Variants in DNAH14 observed in about 807,000 individuals in gnomAD.
The protein encoded by DNAH14 is dynein axonemal heavy chain 14, also known as axonemal beta dynein heavy chain 14.
A neutral mutation model predicts 520.9 loss-of-function variants in DNAH14; 478 were observed. The observed-to-expected ratio is 0.92, with a 90% confidence interval of 0.85 to 0.99. DNAH14 has a LOEUF of 0.99. Among genes scored for constraint, DNAH14 ranks in the 50% least tolerant of loss-of-function variants. The pLI is 0.00. For synonymous variants in DNAH14, 1,581 were observed against 1,757.2 expected (o/e 0.90, Z 2.51); for missense variants, 4,831 against 5,234.5 (o/e 0.92, Z 2.38).
intron 38 of DNAH14, among the ~76,000 whole-genome samples, chr1:225,200,585 G>A (rs559458282): frequency 6.6e-6 from 1 of 152,022 alleles, no homozygotes; most frequent in South Asian, 2.1e-4. Context: ...GCATTTGTTT[G>A]TTTGACTGTA....
At chr1:225,088,543 A>G (rs573499242) in intron 21 of DNAH14, among the ~76,000 whole-genome samples, 105 of 152,170 alleles carry the variant, frequency 6.9e-4, no homozygotes, top group Non-Finnish European at 1.1e-3. Context: ...GCTTCAGACA[A>G]CCTACTAGAC....
chr1:225,085,653 T>C lies in DNAH14; in HGVS notation c.3437T>C (p.Leu1146Ser). 1 of 1,551,340 alleles carries C rather than the reference T, an allele frequency of 6.4e-7. No homozygotes were observed. The highest frequency in any genetic ancestry group is 1.7e-4 in the Middle Eastern group (1 of 5,990). The change falls in exon 21 of 86, where the codon TTG (leucine) becomes TCG (serine). Residue 1146 changes from leucine (L) to serine (S), a missense_variant. Leu to Ser is a moderately radical substitution (Grantham distance 145, BLOSUM62 -2). Coordinates refer to ENST00000682510, the MANE Select transcript of DNAH14 (RefSeq NM_001367479.1). ...KIIDFWNTTP[L>S]PLILHHTEIY... is the part of the protein sequence containing the mutation. ...ATTGATTTTTGGAACACTACTCCTTTGCCTTTAATTCTTCACCACACAGAG... is the reference window on the plus strand; with the variant it reads ...ATTGATTTTTGGAACACTACTCCTTCGCCTTTAATTCTTCACCACACAGAG...
rs145346250 is a variant in DNAH14 at position 225,043,084 on chromosome 1, A to T, written c.1738A>T (p.Ile580Phe). 1,076 of 1,551,212 alleles carry T rather than the reference A, an allele frequency of 6.9e-4. 9 individuals carry two copies. The East Asian group carries it at 0.024, about 35-fold the overall frequency. The change falls in exon 13 of 86, where the codon ATT becomes TTT. Residue 580 changes from isoleucine (I) to phenylalanine (F), a missense_variant. Physicochemically the swap from Ile to Phe is conservative, Grantham distance 21. Coordinates refer to ENST00000682510, the MANE Select transcript of DNAH14 (RefSeq NM_001367479.1). ...LLPKAKKSKE[I>F]SYNLEDIISD... ...CCCAAAAGCCAAGAAATCAAAAGAAATTAGTTACAATCTTGAAGATATTAT... is the reference window on the plus strand; with the variant it reads ...CCCAAAAGCCAAGAAATCAAAAGAATTTAGTTACAATCTTGAAGATATTAT...
intron 41 of DNAH14, among the ~76,000 whole-genome samples, chr1:225,230,572 G>T (rs1415183726): frequency 1.3e-5 from 2 of 152,088 alleles, no homozygotes; most frequent in Non-Finnish European, 2.9e-5. Flanking sequence ...GAATGAATTA[G>T]TTGGACAAAA....
rs140851139 is a variant in DNAH14, at chr1:224,991,222, G to C, written c.831-11561G>C. 2.7e-3 allele frequency among the ~76,000 whole-genome samples: 403 copies of C among 148,606 alleles called. 3 individuals carry two copies. Among genetic ancestry groups the C allele is most frequent in the African/African-American group, 9.4e-3 (378 of 40,266 alleles). The stretch of plus-strand genomic sequence containing the variant: ...CGATTCTCCTGCCTCAGCCTCCCAA[G>C]TAGCAGGGACTACAAGCATGTGCCA... On this transcript the variant is annotated intron_variant, in intron 8 of 85. Coordinates refer to ENST00000682510, the MANE Select transcript of DNAH14 (RefSeq NM_001367479.1).
chr1:225,246,927 G>T (rs148695990), intron 43 of DNAH14, among the ~76,000 whole-genome samples: 1 of 152,130 alleles, frequency 6.6e-6, no homozygotes, highest in Admixed American at 6.5e-5. Context: ...ACATGCACAC[G>T]TATGTTTATT....
chr1:225,392,875 A>C (rs1343074674), intron 84 of DNAH14, among the ~76,000 whole-genome samples: 3 of 152,198 alleles, frequency 2.0e-5, no homozygotes, highest in Admixed American at 6.5e-5. Flanking sequence ...ACACCTACCC[A>C]GACCTCAGCG....
At chr1:225,335,690 T>C (rs534478800) in intron 66 of DNAH14, among the ~76,000 whole-genome samples, 2 of 85,860 alleles carry the variant, frequency 2.3e-5, no homozygotes, top group African/African-American at 1.2e-4. Context: ...TATACGCATA[T>C]ATACATATGT....
intron 30 of DNAH14, among the ~76,000 whole-genome samples, chr1:225,146,034 A>T (rs1171413309): frequency 1.3e-5 from 2 of 152,244 alleles, no homozygotes; most frequent in African/African-American, 4.8e-5. Context: ...TACGTTAAAA[A>T]TATCAACATA....
intron 23 of DNAH14, among the ~76,000 whole-genome samples, chr1:225,106,956 AT>A (rs2148790257): frequency 6.6e-6 from 1 of 152,100 alleles, no homozygotes; most frequent in South Asian, 2.1e-4. Context: ...AGGCGCTCTG[AT>A]TTTTAGAGTT....
intron 23 of DNAH14, among the ~76,000 whole-genome samples, chr1:225,104,906 G>C (rs1489876644): frequency 6.6e-6 from 1 of 152,128 alleles, no homozygotes; most frequent in East Asian, 1.9e-4. Context: ...TCTGGTCTTA[G>C]TTATTTCTTG....
At chr1:225,239,393 C>T (rs1429394119) in intron 42 of DNAH14, among the ~76,000 whole-genome samples, 2 of 152,246 alleles carry the variant, frequency 1.3e-5, no homozygotes, top group Non-Finnish European at 1.5e-5. Flanking sequence ...TGCAACCCCA[C>T]ACTTGGCTGG....
intron 43 of DNAH14, chr1:225,250,658 T>G (rs1195800637): frequency 1.8e-6 from 1 of 549,858 alleles, no homozygotes; most frequent in Non-Finnish European, 3.4e-6. Context: ...CCACTCAGGA[T>G]GGAAGCACTG....
chr1:225,002,810 G>T lies in DNAH14; in HGVS notation c.858G>T (p.Leu286Phe). Residue 286 changes from leucine to phenylalanine, a missense_variant, in exon 9 of 86, where the codon TTG (leucine) becomes TTT (phenylalanine). By Grantham distance (22) the Leu-to-Phe change is conservative. Coordinates refer to ENST00000682510, the MANE Select transcript of DNAH14 (RefSeq NM_001367479.1). ...CATTTTTGTACCACCATCTTTTTTT[G>T]GCTGATGACTTGTTTCAAACCTGTT... Reference protein sequence around the residue: ...SRSFLYHHLFLADDLFQTCLV... With the variant: ...SRSFLYHHLFFADDLFQTCLV... 1.9e-6 allele frequency: 3 copies of T among 1,546,638 alleles called. No homozygotes were observed. In the East Asian group the frequency reaches 7.4e-5, roughly 38 times the overall value.
intron 7 of DNAH14, among the ~76,000 whole-genome samples, chr1:224,971,976 G>A (rs1432802093): frequency 6.6e-6 from 1 of 152,180 alleles, no homozygotes; most frequent in African/African-American, 2.4e-5. Flanking sequence ...ATTATCCAAA[G>A]TACTATTTTC....
intron 33 of DNAH14, among the ~76,000 whole-genome samples, chr1:225,153,090 A>C (rs188295613): frequency 7.1e-4 from 108 of 152,286 alleles, no homozygotes; most frequent in Non-Finnish European, 9.9e-4. Flanking sequence ...AAATCAGTCA[A>C]GGTTCTAAGT....
intron 42 of DNAH14, among the ~76,000 whole-genome samples, chr1:225,235,394 C>T (rs1484659538): frequency 3.3e-5 from 5 of 152,126 alleles, no homozygotes; most frequent in Admixed American, 3.3e-4. Flanking sequence ...ATGAAGCCAG[C>T]TTGATTATGG....
At chr1:225,375,126 A>G (rs938771622) in intron 78 of DNAH14, among the ~76,000 whole-genome samples, 4 of 152,152 alleles carry the variant, frequency 2.6e-5, no homozygotes, top group African/African-American at 7.2e-5. Context: ...TGTAAGATGC[A>G]AAGCACAAGG....
intron 23 of DNAH14, among the ~76,000 whole-genome samples, chr1:225,110,987 A>G (rs1320609213): frequency 2.0e-5 from 3 of 152,102 alleles, no homozygotes; most frequent in Non-Finnish European, 4.4e-5. Flanking sequence ...CAGAAAAGAT[A>G]CTTGGTATTA....
Sources: allele counts gnomAD v4.1 joint callset (sites outside exome capture counted in the v4.1 genomes callset), GRCh38; gene constraint gnomAD v4.1.1; transcripts MANE v1.5; gene names NCBI Gene and HGNC (gene_info 2026-07-23, HGNC 2026-07-21).